Variants in OXR1 observed in about 807,000 individuals in gnomAD.
OXR1 encodes oxidation resistance protein 1.
Under a neutral mutation model 104.6 loss-of-function variants are expected in OXR1, and 41 were observed. The ratio of observed to expected loss-of-function variants is 0.39; its 90% confidence interval spans 0.31 to 0.51. OXR1 has a LOEUF of 0.51. OXR1 is among the 20% of genes least tolerant of loss of function. The probability of loss-of-function intolerance (pLI) is 0.77; values close to 1 mark genes in which losing one functional copy is unlikely to be tolerated. For missense variants in OXR1, 955 were observed against 1,031.9 expected (o/e 0.93, Z 1.02); for synonymous variants, 348 against 348.4 (o/e 1.00, Z 0.01).
At chr8:106,519,969 A>G (rs1183087349) in intron 3 of OXR1, among the ~76,000 whole-genome samples, 1 of 152,084 alleles carries the variant, frequency 6.6e-6, no homozygotes, top group Non-Finnish European at 1.5e-5. Flanking sequence ...CTAAACATCT[A>G]GTATATGGGA....
At chr8:106,461,317 A>G (rs1820899988) in intron 2 of OXR1, among the ~76,000 whole-genome samples, 1 of 152,168 alleles carries the variant, frequency 6.6e-6, no homozygotes, top group Non-Finnish European at 1.5e-5. Context: ...CATGCCTATA[A>G]TCCCAGCACT....
intron 3 of OXR1, among the ~76,000 whole-genome samples, chr8:106,561,377 G>C (rs1232730915): frequency 6.6e-6 from 1 of 152,144 alleles, no homozygotes; most frequent in Non-Finnish European, 1.5e-5. Context: ...ATACTGGGCA[G>C]ACCCCACCAC....
intron 15 of OXR1, among the ~76,000 whole-genome samples, chr8:106,744,852 G>A (rs536179734): frequency 2.2e-4 from 33 of 152,238 alleles, no homozygotes; most frequent in East Asian, 7.7e-4. Flanking sequence ...AAATAGGAAC[G>A]ATTTGGTAAC....
intron 2 of OXR1, among the ~76,000 whole-genome samples, chr8:106,473,852 C>T (rs1377203624): frequency 2.4e-4 from 34 of 142,620 alleles, no homozygotes; most frequent in Non-Finnish European, 4.3e-4. Flanking sequence ...GTCTATTCCT[C>T]TTTTTTTTTT....
At chr8:106,404,309 A>G (rs1360851518) in intron 2 of OXR1, among the ~76,000 whole-genome samples, 2 of 152,174 alleles carry the variant, frequency 1.3e-5, no homozygotes, top group Non-Finnish European at 2.9e-5. Flanking sequence ...TAGGGCCTCA[A>G]TGTCCCCAAC....
intron 2 of OXR1, among the ~76,000 whole-genome samples, chr8:106,475,516 G>C (rs188100369): frequency 8.6e-5 from 13 of 151,810 alleles, no homozygotes; most frequent in Admixed American, 7.2e-4. Context: ...GGCATACTTG[G>C]TATAACTTTC....
At chr8:106,523,555 A>AT (rs1021059944) in intron 3 of OXR1, among the ~76,000 whole-genome samples, 1 of 152,260 alleles carries the variant, frequency 6.6e-6, no homozygotes, top group African/African-American at 2.4e-5. Context: ...ATTCTATTTC[A>AT]TTTTTTTAAA....
chr8:106,447,902 G>T, intron 2 of OXR1: 6 of 1,510,814 alleles, frequency 4.0e-6, no homozygotes, highest in Non-Finnish European at 5.3e-6. Context: ...CCGGGCTCCT[G>T]GCGGAGGTAG....
At chr8:106,508,195 G>A (rs1189918861) in intron 2 of OXR1, among the ~76,000 whole-genome samples, 1 of 152,192 alleles carries the variant, frequency 6.6e-6, no homozygotes, top group Non-Finnish European at 1.5e-5. Flanking sequence ...ATTAGGTTTA[G>A]AGAACATGTG....
intron 3 of OXR1, among the ~76,000 whole-genome samples, chr8:106,582,377 G>T (rs986347401): frequency 1.4e-4 from 21 of 151,902 alleles, no homozygotes; most frequent in African/African-American, 5.1e-4. Flanking sequence ...GTTCTTTGTG[G>T]CAGCTGAAAA....
At chr8:106,289,078 G>T (rs10110472) in intron 1 of OXR1, among the ~76,000 whole-genome samples, 33,381 of 151,966 alleles carry the variant, frequency 0.22, 5,435 homozygotes, top group African/African-American at 0.46. Context: ...TACTGAATGG[G>T]CAAAAGCTGG....
intron 3 of OXR1, among the ~76,000 whole-genome samples, chr8:106,547,794 C>G (rs887776032): frequency 6.6e-6 from 1 of 152,142 alleles, no homozygotes; most frequent in Non-Finnish European, 1.5e-5. Context: ...TGAGCCACTG[C>G]ACCTGGCCAG....
chr8:106,338,161 C>T (rs1407248398), intron 1 of OXR1, among the ~76,000 whole-genome samples: 5 of 152,048 alleles, frequency 3.3e-5, no homozygotes, highest in Non-Finnish European at 7.4e-5. Flanking sequence ...AATAATCAAA[C>T]GGAAACTTTA....
intron 3 of OXR1, among the ~76,000 whole-genome samples, chr8:106,537,546 G>A (rs371063053): frequency 6.6e-6 from 1 of 152,162 alleles, no homozygotes; most frequent in Non-Finnish European, 1.5e-5. Context: ...GTTGGGGGCT[G>A]GGGGAGGGAT....
At chr8:106,667,704 A>G (rs1826490285) in intron 3 of OXR1, among the ~76,000 whole-genome samples, 1 of 152,194 alleles carries the variant, frequency 6.6e-6, no homozygotes, top group Non-Finnish European at 1.5e-5. Context: ...AATTTTTAAA[A>G]TAAACCTGAT....
chr8:106,301,921 G>A (rs2938298), intron 1 of OXR1, among the ~76,000 whole-genome samples: 45,867 of 151,958 alleles, frequency 0.3, 7,208 homozygotes, highest in East Asian at 0.56. Context: ...ATGTAGTCTT[G>A]ACCATCTTTT....
intron 1 of OXR1, among the ~76,000 whole-genome samples, chr8:106,294,163 G>A (rs940839379): frequency 1.3e-5 from 2 of 151,804 alleles, no homozygotes; most frequent in African/African-American, 4.8e-5. Flanking sequence ...GGCACTTTGG[G>A]AGGCCGAGGC....
At chr8:106,417,329 T>C (rs193197150) in intron 2 of OXR1, among the ~76,000 whole-genome samples, 1 of 152,270 alleles carries the variant, frequency 6.6e-6, no homozygotes, top group Non-Finnish European at 1.5e-5. Context: ...GTTATGAGGA[T>C]AAATTGTGCA....
chr8:106,659,892 AT>A (rs1825581812), intron 3 of OXR1, among the ~76,000 whole-genome samples: 1 of 152,218 alleles, frequency 6.6e-6, no homozygotes, highest in Non-Finnish European at 1.5e-5. Flanking sequence ...CTGAAGTGAT[AT>A]GTATTCCTCT....
Sources: allele counts gnomAD v4.1 joint callset (sites outside exome capture counted in the v4.1 genomes callset), GRCh38; gene constraint gnomAD v4.1.1; transcripts MANE v1.5; gene names NCBI Gene and HGNC (gene_info 2026-07-23, HGNC 2026-07-21).